The following TRDN variants were observed in gnomAD, a reference collection of about 807,000 sequenced individuals.
TRDN encodes the protein triadin in skeletal muscle.
In TRDN, 161 loss-of-function variants were observed where a neutral mutation model predicts 149.7. The ratio of observed to expected loss-of-function variants is 1.08; its 90% confidence interval spans 0.95 to 1.23. The LOEUF (loss-of-function observed/expected upper bound fraction) is 1.23, where lower values mean the gene tolerates loss of function less well. Ranked by LOEUF, TRDN falls within the 50% of genes most tolerant of loss-of-function variation. The probability of loss-of-function intolerance (pLI) is 0.00; values close to 1 mark genes in which losing one functional copy is unlikely to be tolerated. For synonymous variants in TRDN, 294 were observed against 250.5 expected, an observed-to-expected ratio of 1.17 and a Z score of -1.64; for missense variants, 896 against 823.5, an observed-to-expected ratio of 1.09 and a Z score of -1.08.
chr6:123,238,456 T>C (rs917909945), intron 38 of TRDN, among the ~76,000 whole-genome samples: 10 of 152,034 alleles, frequency 6.6e-5, no homozygotes, highest in African/African-American at 2.4e-4. Context: ...AAATAAGGTA[T>C]GGTCTCTGCA....
chr6:123,540,591 C>T (rs146082407), intron 4 of TRDN, among the ~76,000 whole-genome samples: 1,583 of 152,330 alleles, frequency 0.01, 17 homozygotes, highest in Admixed American at 0.019. Flanking sequence ...GCCACCTGGG[C>T]TCACCGCAGG....
intron 1 of TRDN, among the ~76,000 whole-genome samples, chr6:123,591,405 C>T (rs538286509): frequency 6.6e-6 from 1 of 152,212 alleles, no homozygotes; most frequent in East Asian, 1.9e-4. Flanking sequence ...CCCACCACGC[C>T]CAGCTAATTT....
intron 24 of TRDN, 145 bp from the exon 25 acceptor site, chr6:123,279,227 T>C: frequency 1.5e-6 from 1 of 659,800 alleles, no homozygotes; most frequent in Non-Finnish European, 2.4e-6. Flanking sequence ...TTCTATAGAA[T>C]GTGTAACTTA....
At chr6:123,533,764 G>T (rs9490802) in intron 4 of TRDN, among the ~76,000 whole-genome samples, 2 of 152,014 alleles carry the variant, frequency 1.3e-5, no homozygotes, top group East Asian at 1.9e-4. Context: ...TAGGGTAAAT[G>T]TATTATCTCC....
intron 26 of TRDN, among the ~76,000 whole-genome samples, chr6:123,275,242 A>G (rs1413206393): frequency 6.6e-6 from 1 of 152,088 alleles, no homozygotes; most frequent in Non-Finnish European, 1.5e-5. Flanking sequence ...GTAATTAGTT[A>G]AGGTAAGATG....
intron 23 of TRDN, among the ~76,000 whole-genome samples, chr6:123,317,839 A>G (rs1307325150): frequency 1.3e-5 from 2 of 152,054 alleles, no homozygotes; most frequent in Non-Finnish European, 2.9e-5. Context: ...TGGAATATAT[A>G]GAATGACTAA....
chr6:123,266,185 ATTATAATAT>A (rs1268409839), intron 32 of TRDN, among the ~76,000 whole-genome samples: 4,210 of 93,666 alleles, frequency 0.045, 521 homozygotes, highest in Admixed American at 0.13. Context: ...TATTATATAT[ATTATAATAT>A]GTATTATATA....
At chr6:123,530,861 A>ATAAT (rs1363075577) in intron 4 of TRDN, among the ~76,000 whole-genome samples, 3 of 152,122 alleles carry the variant, frequency 2.0e-5, no homozygotes, top group African/African-American at 7.2e-5. Flanking sequence ...GTCACAAACT[A>ATAAT]TAATTATTTT....
chr6:123,258,681 G>A (rs1295724729), intron 35 of TRDN, among the ~76,000 whole-genome samples: 2 of 152,044 alleles, frequency 1.3e-5, no homozygotes, highest in Non-Finnish European at 2.9e-5. Context: ...CCCTCTTTTT[G>A]TATTGTTTGG....
intron 38 of TRDN, among the ~76,000 whole-genome samples, chr6:123,225,502 C>T (rs1234441879): frequency 6.8e-6 from 1 of 147,248 alleles, no homozygotes; most frequent in Non-Finnish European, 1.5e-5. Flanking sequence ...CTTAAATGTT[C>T]TCACCACACA....
intron 1 of TRDN, among the ~76,000 whole-genome samples, chr6:123,615,523 G>C (rs1785038004): frequency 6.8e-6 from 1 of 146,754 alleles, no homozygotes; most frequent in Non-Finnish European, 1.5e-5. Flanking sequence ...ATTCACGTTT[G>C]AAAAACATGT....
At chr6:123,418,753 G>A (rs776907613) in intron 12 of TRDN, among the ~76,000 whole-genome samples, 19 of 152,062 alleles carry the variant, frequency 1.2e-4, no homozygotes, top group Non-Finnish European at 2.2e-4. Context: ...AGCCTGAAAC[G>A]ATGAGGGTTG....
intron 21 of TRDN, chr6:123,351,082 G>C (rs1283597782): frequency 2.0e-6 from 2 of 984,776 alleles, no homozygotes; most frequent in African/African-American, 1.7e-5. Context: ...ATATACTGTG[G>C]CTATGAAAAC....
intron 2 of TRDN, among the ~76,000 whole-genome samples, chr6:123,564,214 A>C (rs1193257738): frequency 6.6e-6 from 1 of 152,192 alleles, no homozygotes; most frequent in African/African-American, 2.4e-5. Context: ...TGTAATGACC[A>C]AGAGGACCAA....
At position 123,339,285 on chromosome 6, in the gene TRDN, G is replaced by A. The variant is rs190686931; in HGVS notation, c.1370-1616C>T. On this transcript the variant is annotated intron_variant, in intron 21 of 40. Transcript: ENST00000334268. ...CTCCCAAAGTGCTGGGATTACAGGC[G>A]TGAGCCACCATGCCCGGCCATGTAT... Among the ~76,000 whole-genome samples the A allele has an allele frequency of 1.0e-3, 158 of 152,100 alleles. 4 individuals are homozygous for A. Among genetic ancestry groups the A allele is most frequent in the Non-Finnish European group, 2.9e-4 (20 of 67,982 alleles).
chr6:123,530,579 G>T lies in TRDN; in HGVS notation c.425-14C>A. Reference sequence around the variant, plus strand: ...CTTTGTGTATTTCTAAGAAAAAATAGAATTTATAATTTTAAAACTCTGAAA... The same window carrying T: ...CTTTGTGTATTTCTAAGAAAAAATATAATTTATAATTTTAAAACTCTGAAA... On this transcript the variant is annotated splice_polypyrimidine_tract_variant and intron_variant, in intron 4 of 40. Transcript: ENST00000334268. 8.2e-7 allele frequency: 1 copy of T among 1,215,224 alleles called. No individual in the cohort carries two copies. Among genetic ancestry groups the T allele is most frequent in the African/African-American group, 1.6e-5 (1 of 63,110 alleles). The allele number at this position is 1,215,224 out of a possible 1,614,324, so 75.3% of individuals were successfully genotyped here. A position where few individuals can be genotyped will look rare whatever the true frequency, so the allele number is the denominator to read the frequency against.
chr6:123,522,464 G>C (rs1027336822), intron 5 of TRDN, among the ~76,000 whole-genome samples: 1 of 144,900 alleles, frequency 6.9e-6, no homozygotes, highest in African/African-American at 2.5e-5. Context: ...AGGAAAATTA[G>C]AAATACATTA....
chr6:123,262,021 T>G (rs900640252), intron 33 of TRDN, among the ~76,000 whole-genome samples: 2 of 152,130 alleles, frequency 1.3e-5, no homozygotes, highest in Non-Finnish European at 2.9e-5. Context: ...AGATACACTT[T>G]GGATTGAAAT....
chr6:123,295,781 C>T (rs9385294), intron 24 of TRDN, among the ~76,000 whole-genome samples: 27,836 of 151,802 alleles, frequency 0.18, 3,360 homozygotes, highest in East Asian at 0.61. Flanking sequence ...CTGGCCAACA[C>T]AGCGAAACCC....
Sources: gnomAD v4.1 joint callset for allele counts (sites outside exome capture counted in the v4.1 genomes callset) on GRCh38, gnomAD v4.1.1 for gene constraint, MANE v1.5 for transcripts, NCBI Gene and HGNC (gene_info 2026-07-23, HGNC 2026-07-21) for gene names.